Variants in EPN2 observed in about 807,000 individuals in gnomAD.
EPN2 encodes the protein epsin-2.
In EPN2, 34 loss-of-function variants were observed where a neutral mutation model predicts 61.7. The observed-to-expected ratio is 0.55, with a 90% CI of 0.42 to 0.73. The LOEUF (loss-of-function observed/expected upper bound fraction) is 0.73. Ranked by LOEUF, EPN2 falls within the 30% of genes least tolerant of loss-of-function variation. The pLI, the probability that EPN2 is intolerant of heterozygous loss-of-function variation, is 0.00. For missense variants in EPN2, 714 were observed against 839.2 expected (o/e 0.85, Z 1.84); for synonymous variants, 349 against 353.6 (o/e 0.99, Z 0.15).
intron 1 of EPN2, among the ~76,000 whole-genome samples, chr17:19,237,852 A>C: frequency 6.7e-6 from 1 of 149,236 alleles, no homozygotes; most frequent in Non-Finnish European, 1.5e-5. Context: ...GGCGCCCCTT[A>C]CTCCTACCTC....
intron 7 of EPN2, 107 bp from the exon 8 acceptor site, chr17:19,328,604 C>CA: frequency 3.7e-6 from 4 of 1,072,168 alleles, no homozygotes; most frequent in Non-Finnish European, 5.3e-6. Flanking sequence ...TCTCACCTGG[C>CA]ACAGGGCATA....
chr17:19,247,253 G>A (rs2044963416), intron 1 of EPN2, among the ~76,000 whole-genome samples: 2 of 152,178 alleles, frequency 1.3e-5, no homozygotes, highest in Admixed American at 1.3e-4. Context: ...GTGTCAACCT[G>A]AAAAATATGG....
chr17:19,279,528 T>C (rs2152215842), intron 1 of EPN2, among the ~76,000 whole-genome samples: 1 of 151,154 alleles, frequency 6.6e-6, no homozygotes. Context: ...AAGCTCTGCC[T>C]CCCGGGTTCA....
At chr17:19,328,218 T>C (rs942248954) in intron 7 of EPN2, among the ~76,000 whole-genome samples, 3 of 152,216 alleles carry the variant, frequency 2.0e-5, no homozygotes, top group African/African-American at 7.2e-5. Flanking sequence ...TTATATATGC[T>C]TCTGTCAGAA....
intron 7 of EPN2, among the ~76,000 whole-genome samples, chr17:19,314,096 C>G (rs909450695): frequency 9.9e-5 from 15 of 152,270 alleles, no homozygotes; most frequent in Non-Finnish European, 1.8e-4. Context: ...TAACTCGGTT[C>G]CCTAGATGTT....
chr17:19,317,607 C>T (rs1345972789), intron 7 of EPN2, among the ~76,000 whole-genome samples: 2 of 152,202 alleles, frequency 1.3e-5, no homozygotes, highest in Non-Finnish European at 2.9e-5. Context: ...GACACAGGCT[C>T]CCTGTGAATG....
intron 7 of EPN2, among the ~76,000 whole-genome samples, chr17:19,325,754 A>C (rs1906836727): frequency 6.6e-6 from 1 of 152,230 alleles, no homozygotes; most frequent in South Asian, 2.1e-4. Flanking sequence ...AAAAAGACAA[A>C]GTATAAAGGA....
intron 1 of EPN2, among the ~76,000 whole-genome samples, chr17:19,243,473 A>G (rs934048681): frequency 2.5e-4 from 36 of 145,186 alleles, no homozygotes; most frequent in African/African-American, 8.6e-4. Flanking sequence ...GCTCACTGCA[A>G]GCTCCGCCTC....
chr17:19,303,992 A>G (rs1905679900), intron 4 of EPN2: 1 of 152,172 alleles, frequency 6.6e-6, no homozygotes, highest in Non-Finnish European at 1.5e-5. Context: ...AGTCCCAGCT[A>G]CTCAGGAGGC....
At chr17:19,284,745 G>A (rs1046412017) in intron 3 of EPN2, among the ~76,000 whole-genome samples, 4 of 152,148 alleles carry the variant, frequency 2.6e-5, no homozygotes, top group Admixed American at 1.3e-4. Context: ...TGCAGGTTTC[G>A]ATTTGACATT....
chr17:19,312,005 G>T (rs781082779), intron 5 of EPN2, 47 bp from the exon 6 acceptor site: 1 of 1,272,454 alleles, frequency 7.9e-7, no homozygotes, highest in Non-Finnish European at 1.2e-6. Context: ...GCTTTGTTCT[G>T]TACAGTGATG....
chr17:19,273,143 G>A (rs1290010236), intron 1 of EPN2: 4 of 152,208 alleles, frequency 2.6e-5, no homozygotes, highest in Non-Finnish European at 5.9e-5. Flanking sequence ...GTGGCTCTCA[G>A]ATCCTGGGAG....
chr17:19,310,541 TTTC>T (rs1035914020), intron 5 of EPN2, among the ~76,000 whole-genome samples: 4 of 151,502 alleles, frequency 2.6e-5, no homozygotes, highest in Non-Finnish European at 5.9e-5. Flanking sequence ...TCTTTTCTCT[TTTC>T]TTTTCTTTCT....
intron 5 of EPN2, among the ~76,000 whole-genome samples, chr17:19,310,395 G>A (rs539726753): frequency 3.9e-5 from 6 of 152,216 alleles, no homozygotes; most frequent in South Asian, 2.1e-4. Context: ...CCCAGCCCCC[G>A]CCAAGCACTT....
In EPN2 at chr17:19,334,029, T is replaced by C. The variant is rs1907283971; in HGVS notation, c.1701T>C (p.Leu567=). The change falls in exon 11 of 11, where the codon CTT becomes CTC. Residue 567 remains leucine (L), a synonymous_variant. Coordinates refer to ENST00000314728, the MANE Select transcript of EPN2 (RefSeq NM_014964.5). The surrounding 1 kb of genome is among the most constrained non-coding windows in gnomAD (Gnocchi z 4.9). ...CCCAGCCGCTGACACTGAACCAGCT[T>C]CGGGGGAGCCCAGTCCTGGGGACCA... ...NQPQPLTLNQ[L]RGSPVLGTST... 3 of 1,603,848 alleles carry C rather than the reference T, an allele frequency of 1.9e-6. No homozygotes were observed. The highest frequency in any genetic ancestry group is 2.6e-6 in the Non-Finnish European group (3 of 1,173,650).
At chr17:19,242,475 G>A (rs534451375) in intron 1 of EPN2, among the ~76,000 whole-genome samples, 1 of 152,230 alleles carries the variant, frequency 6.6e-6, no homozygotes, top group Admixed American at 6.5e-5. Flanking sequence ...CCGCAACATT[G>A]TTAAAATGCT....
At chr17:19,268,367 T>C (rs1256852876) in intron 1 of EPN2, among the ~76,000 whole-genome samples, 1 of 151,280 alleles carries the variant, frequency 6.6e-6, no homozygotes, top group Non-Finnish European at 1.5e-5. Flanking sequence ...TGAATACATC[T>C]TTTTTTTTGA....
intron 1 of EPN2, among the ~76,000 whole-genome samples, chr17:19,268,263 T>TA (rs2045219909): frequency 1.3e-5 from 2 of 152,190 alleles, no homozygotes; most frequent in Admixed American, 1.3e-4. Context: ...GCCACATCTG[T>TA]GCTTGTTCAG....
At chr17:19,306,477 C>T (rs1019125887) in intron 4 of EPN2, among the ~76,000 whole-genome samples, 1 of 152,212 alleles carries the variant, frequency 6.6e-6, no homozygotes, top group African/African-American at 2.4e-5. Context: ...CAGGGGAATA[C>T]CCATTGTCTT....
Sources: gnomAD v4.1 joint callset for allele counts (sites outside exome capture counted in the v4.1 genomes callset) on GRCh38, gnomAD v4.1.1 for gene constraint, Gnocchi (gnomAD v3.1) non-coding constraint, MANE v1.5 for transcripts, NCBI Gene and HGNC (gene_info 2026-07-23, HGNC 2026-07-21) for gene names.